CTNND2: variants seen among roughly 807,000 people sequenced by gnomAD.
CTNND2 encodes the protein catenin delta-2.
Under a neutral mutation model 144.4 loss-of-function variants are expected in CTNND2, and 22 were observed. That is an observed-to-expected ratio of 0.15 (90% confidence interval 0.11 to 0.22). The LOEUF is 0.22. Among genes scored for constraint, CTNND2 ranks in the 10% least tolerant of loss-of-function variants. The pLI, the probability that CTNND2 is intolerant of heterozygous loss-of-function variation, is 1.00. For synonymous variants in CTNND2, 751 were observed against 695.6 expected, an observed-to-expected ratio of 1.08 and a Z score of -1.25; for missense variants, 1,353 against 1,618.8, an observed-to-expected ratio of 0.84 and a Z score of 2.82.
In CTNND2 at chr5:11,560,802, C is replaced by T. The variant is rs145478405; in HGVS notation, c.287+4142G>A. On this transcript the variant is annotated intron_variant, in intron 3 of 21. Coordinates refer to ENST00000304623, the MANE Select transcript of CTNND2 (RefSeq NM_001332.4). ...TATTCTAGGAAGAAAGCATCATAGG[C>T]TCTGAGATGAGAAATCATCATGCAT... Among the ~76,000 whole-genome samples, 446 of 152,282 alleles carry T rather than the reference C, an allele frequency of 2.9e-3. 2 individuals carry two copies. The highest frequency in any genetic ancestry group is 0.01 in the African/African-American group (429 of 41,558).
chr5:11,821,841 ATTATT>A (rs1793328552), intron 1 of CTNND2, among the ~76,000 whole-genome samples: 1 of 152,172 alleles, frequency 6.6e-6, no homozygotes, highest in Admixed American at 6.5e-5. Context: ...TACTAGTGTT[ATTATT>A]TTAACAATTT....
intron 1 of CTNND2, among the ~76,000 whole-genome samples, chr5:11,762,474 G>A (rs1431017895): frequency 6.6e-6 from 1 of 152,110 alleles, no homozygotes; most frequent in African/African-American, 2.4e-5. Context: ...ATGTGCATAT[G>A]AAACACTTGC....
intron 18 of CTNND2, among the ~76,000 whole-genome samples, chr5:10,995,393 C>T (rs986586637): frequency 4.6e-5 from 7 of 152,122 alleles, no homozygotes; most frequent in African/African-American, 1.2e-4. Context: ...GGAGACCAAC[C>T]GAATACCGAG....
At chr5:11,329,131 A>T (rs1481835842) in intron 9 of CTNND2, among the ~76,000 whole-genome samples, 1 of 152,098 alleles carries the variant, frequency 6.6e-6, no homozygotes, top group Non-Finnish European at 1.5e-5. Flanking sequence ...GGCTCACCCT[A>T]ATGGCCTCAT....
At chr5:11,408,415 T>G (rs7722560) in intron 5 of CTNND2, among the ~76,000 whole-genome samples, 28,961 of 152,112 alleles carry the variant, frequency 0.19, 5,814 homozygotes, top group African/African-American at 0.51. Context: ...TGACTCTGAA[T>G]ATGTTAAGGG....
intron 9 of CTNND2, among the ~76,000 whole-genome samples, chr5:11,314,494 C>G (rs1183362876): frequency 2.6e-5 from 4 of 152,222 alleles, no homozygotes; most frequent in African/African-American, 9.6e-5. Context: ...TAGCTGGGAC[C>G]ACAAGCATGC....
At chr5:11,195,769 TA>T (rs1283972780) in intron 11 of CTNND2, among the ~76,000 whole-genome samples, 11 of 152,226 alleles carry the variant, frequency 7.2e-5, no homozygotes, top group Non-Finnish European at 1.6e-4. Flanking sequence ...TTTGGTCAAT[TA>T]TTTCCATATT....
intron 7 of CTNND2, among the ~76,000 whole-genome samples, chr5:11,380,807 G>A (rs562147037): frequency 1.3e-5 from 2 of 152,254 alleles, no homozygotes; most frequent in African/African-American, 4.8e-5. Context: ...TCGATGACCC[G>A]AAACCCTCAG....
chr5:11,506,044 T>A (rs1461526928), intron 3 of CTNND2, among the ~76,000 whole-genome samples: 1 of 152,120 alleles, frequency 6.6e-6, no homozygotes, highest in African/African-American at 2.4e-5. Context: ...ACCCATGGTG[T>A]CTGTGTGCAT....
At chr5:11,060,081 C>T (rs1328265006) in intron 16 of CTNND2, among the ~76,000 whole-genome samples, 2 of 152,100 alleles carry the variant, frequency 1.3e-5, no homozygotes, top group Admixed American at 6.5e-5. Context: ...GCAGGCTATT[C>T]TCACTTCTAA....
At chr5:11,571,287 G>A (rs1777529360) in intron 2 of CTNND2, among the ~76,000 whole-genome samples, 2 of 152,130 alleles carry the variant, frequency 1.3e-5, no homozygotes, top group African/African-American at 4.8e-5. Flanking sequence ...ACACTTGTAT[G>A]AGCGCCAGCA....
At chr5:11,413,477 T>A (rs1761701764) in intron 3 of CTNND2, among the ~76,000 whole-genome samples, 1 of 152,194 alleles carries the variant, frequency 6.6e-6, no homozygotes, top group African/African-American at 2.4e-5. Context: ...AGAATGTGAA[T>A]ATCAAAATAC....
chr5:11,820,426 C>G (rs1379420912), intron 1 of CTNND2, among the ~76,000 whole-genome samples: 1 of 152,164 alleles, frequency 6.6e-6, no homozygotes, highest in Non-Finnish European at 1.5e-5. Flanking sequence ...TACTTTAATA[C>G]TTAGAAAATA....
chr5:11,179,465 C>G (rs958978987), intron 11 of CTNND2, among the ~76,000 whole-genome samples: 1 of 152,134 alleles, frequency 6.6e-6, no homozygotes, highest in Non-Finnish European at 1.5e-5. Context: ...GATGATCCAC[C>G]CACCTCAGCC....
chr5:11,060,466 G>A (rs993802769), intron 16 of CTNND2, among the ~76,000 whole-genome samples: 4 of 152,026 alleles, frequency 2.6e-5, no homozygotes, highest in South Asian at 2.1e-4. Flanking sequence ...GTGACCATTC[G>A]GAATAATAAG....
At chr5:11,408,609 T>A (rs1465228506) in intron 5 of CTNND2, among the ~76,000 whole-genome samples, 2 of 152,130 alleles carry the variant, frequency 1.3e-5, no homozygotes, top group Non-Finnish European at 2.9e-5. Flanking sequence ...GAGTCTTCAA[T>A]AAGATAATTC....
chr5:11,377,884 G>T (rs1758094062), intron 7 of CTNND2, among the ~76,000 whole-genome samples: 1 of 152,142 alleles, frequency 6.6e-6, no homozygotes, highest in Non-Finnish European at 1.5e-5. Context: ...TATATCAAAT[G>T]AATTTACAAA....
intron 3 of CTNND2, among the ~76,000 whole-genome samples, chr5:11,478,218 C>A (rs951832612): frequency 6.6e-6 from 1 of 152,162 alleles, no homozygotes; most frequent in Non-Finnish European, 1.5e-5. Context: ...TAAAAAATTT[C>A]TCCCACTTTA....
intron 10 of CTNND2, among the ~76,000 whole-genome samples, chr5:11,235,030 G>A (rs1157035971): frequency 6.6e-6 from 1 of 152,196 alleles, no homozygotes; most frequent in East Asian, 1.9e-4. Flanking sequence ...GGCCTGGAAA[G>A]CCTCACTGTG....
Sources: allele counts gnomAD v4.1 joint callset (sites outside exome capture counted in the v4.1 genomes callset), GRCh38; gene constraint gnomAD v4.1.1; transcripts MANE v1.5; gene names NCBI Gene and HGNC (gene_info 2026-07-23, HGNC 2026-07-21).